TANC1: variants seen among roughly 807,000 people sequenced by gnomAD.
TANC1 encodes the protein tetratricopeptide repeat, ankyrin repeat and coiled-coil containing 1.
TANC1 carries 77 observed loss-of-function variants against 149.7 expected under a neutral mutation model. The observed-to-expected ratio is 0.51, with a 90% CI of 0.43 to 0.62. TANC1 has a LOEUF of 0.62. Ranked by LOEUF, TANC1 falls within the 20% of genes least tolerant of loss-of-function variation. The pLI, the probability that TANC1 is intolerant of heterozygous loss-of-function variation, is 0.00. For missense variants in TANC1, 1,985 were observed against 2,321.8 expected, an observed-to-expected ratio of 0.85 and a Z score of 2.98; for synonymous variants, 854 against 925.0, an observed-to-expected ratio of 0.92 and a Z score of 1.39.
At chr2:159,043,336 A>T (rs761866297) in intron 2 of TANC1, among the ~76,000 whole-genome samples, 1 of 151,988 alleles carries the variant, frequency 6.6e-6, no homozygotes, top group African/African-American at 2.4e-5. Context: ...TCCCTGAGTG[A>T]GGGAGACAAC....
At chr2:158,975,322 C>G (rs894446766) in intron 1 of TANC1, among the ~76,000 whole-genome samples, 15 of 152,042 alleles carry the variant, frequency 9.9e-5, no homozygotes, top group Non-Finnish European at 4.4e-5. Context: ...GTGCTTACTA[C>G]TATAATCCTG....
At chr2:159,070,908 TA>T (rs775878869) in intron 3 of TANC1, among the ~76,000 whole-genome samples, 6 of 152,226 alleles carry the variant, frequency 3.9e-5, no homozygotes, top group East Asian at 1.9e-4. Context: ...GCTCAGCTAA[TA>T]TTTTTTTTTC....
At chr2:159,145,314 A>G (rs188130974) in intron 5 of TANC1, among the ~76,000 whole-genome samples, 112 of 152,362 alleles carry the variant, frequency 7.4e-4, no homozygotes, top group African/African-American at 2.5e-3. Context: ...ACCAGAAAAT[A>G]ATCGCAAGGA....
intron 4 of TANC1, among the ~76,000 whole-genome samples, chr2:159,111,852 A>T (rs2047761079): frequency 1.3e-5 from 2 of 152,204 alleles, no homozygotes. Context: ...TTGATGTTTC[A>T]CCAGGACTTT....
At chr2:159,135,639 G>A (rs945057937) in intron 4 of TANC1, among the ~76,000 whole-genome samples, 32 of 152,366 alleles carry the variant, frequency 2.1e-4, no homozygotes, top group Admixed American at 5.2e-4. Context: ...GCTGTGCCCC[G>A]CACAGTTACT....
chr2:159,132,897 A>C (rs938617141), intron 4 of TANC1, among the ~76,000 whole-genome samples: 3 of 152,136 alleles, frequency 2.0e-5, no homozygotes, highest in Non-Finnish European at 2.9e-5. Context: ...GGATCTGAAT[A>C]GAACCGTTCT....
intron 14 of TANC1, among the ~76,000 whole-genome samples, chr2:159,183,887 A>G (rs543651851): frequency 3.9e-5 from 6 of 152,096 alleles, no homozygotes; most frequent in Non-Finnish European, 8.8e-5. Flanking sequence ...TGACTTGCAT[A>G]TCGTTTGCGT....
chr2:159,027,026 T>C (rs889233461), intron 2 of TANC1: 1 of 146,572 alleles, frequency 6.8e-6, no homozygotes, highest in Non-Finnish European at 1.5e-5. Context: ...TTTTCACTCA[T>C]TTTTTTTTTT....
intron 2 of TANC1, among the ~76,000 whole-genome samples, chr2:159,018,793 C>T (rs2038529587): frequency 1.3e-5 from 2 of 152,192 alleles, no homozygotes; most frequent in African/African-American, 4.8e-5. Flanking sequence ...ATCTGTATAG[C>T]TTCTACTATG....
At chr2:159,074,928 A>C (rs1043594387) in intron 3 of TANC1, among the ~76,000 whole-genome samples, 2 of 151,990 alleles carry the variant, frequency 1.3e-5, no homozygotes, top group African/African-American at 4.8e-5. Flanking sequence ...AAGAGCGCTA[A>C]TCTCATCATG....
intron 3 of TANC1, among the ~76,000 whole-genome samples, chr2:159,090,918 A>T (rs548998734): frequency 6.6e-6 from 1 of 152,280 alleles, no homozygotes; most frequent in African/African-American, 2.4e-5. Context: ...CTGAGAGAAG[A>T]TTAATGATCA....
chr2:159,129,455 T>G (rs555663521), intron 4 of TANC1, among the ~76,000 whole-genome samples: 10 of 152,196 alleles, frequency 6.6e-5, no homozygotes, highest in Non-Finnish European at 1.5e-4. Flanking sequence ...GTGCTGTACC[T>G]TCTGGGCTGC....
chr2:159,004,231 C>CA (rs2036918859), intron 2 of TANC1: 1 of 1,612,184 alleles, frequency 6.2e-7, no homozygotes, highest in South Asian at 1.1e-5. Flanking sequence ...GACAGTAAAG[C>CA]ACCAAAACCA....
rs199746583 is a variant in TANC1, at chr2:159,136,256, C to T, written c.322C>T (p.Pro108Ser). Residue 108 changes from proline (P) to serine (S), a missense_variant, in exon 5 of 27, where the codon CCA (proline) becomes TCA (serine). By Grantham distance (74) the Pro-to-Ser change is moderately conservative. This residue lies in a region of TANC1 where 557 missense variants were observed against 612.9 expected (regional missense o/e 0.91). Coordinates refer to ENST00000263635, the MANE Select transcript of TANC1 (RefSeq NM_033394.3). ...PRVPGDAVIMPFREVAKPTEP... is the reference protein window; with the variant it reads ...PRVPGDAVIMSFREVAKPTEP... The stretch of plus-strand genomic sequence containing the variant: ...AGTGCCTGGAGATGCAGTTATAATG[C>T]CATTCAGAGAAGTAGCCAAGCCAAC... The T allele has an allele frequency of 1.7e-5, 27 of 1,612,914 alleles. No individual in the cohort carries two copies. Among genetic ancestry groups the T allele is most frequent in the Non-Finnish European group, 2.3e-5 (27 of 1,179,046 alleles).
intron 2 of TANC1, among the ~76,000 whole-genome samples, chr2:159,006,152 C>T (rs926408352): frequency 4.6e-5 from 7 of 151,916 alleles, no homozygotes; most frequent in African/African-American, 1.7e-4. Flanking sequence ...CAAAAATTAG[C>T]CAGGAGTGGT....
intron 7 of TANC1, among the ~76,000 whole-genome samples, chr2:159,157,793 GT>G (rs1356413360): frequency 6.6e-6 from 1 of 152,156 alleles, no homozygotes; most frequent in Non-Finnish European, 1.5e-5. Flanking sequence ...AAATACAGAG[GT>G]TAAAAAATGT....
chr2:159,232,627 C>G lies in TANC1; in HGVS notation c.*1615C>G, dbSNP rs527350708. On this transcript the variant is annotated 3_prime_UTR_variant, in exon 27 of 27. Transcript: ENST00000263635. Reference sequence around the variant, plus strand: ...GTTTTGTTTCTGCACAACTACTGTACTTTTCCATATGGAATAAAGACTATT... The same window carrying G: ...GTTTTGTTTCTGCACAACTACTGTAGTTTTCCATATGGAATAAAGACTATT... 14 of 152,730 alleles carry G rather than the reference C, an allele frequency of 9.2e-5. No homozygotes were observed. Among genetic ancestry groups the G allele is most frequent in the African/African-American group, 3.4e-4 (14 of 41,574 alleles). The allele number at this position is 152,730 out of a possible 1,614,324, so 9.5% of individuals were successfully genotyped here. A position where few individuals can be genotyped will look rare whatever the true frequency, so the allele number is the denominator to read the frequency against.
At chr2:159,123,841 C>T (rs1234382296) in intron 4 of TANC1, among the ~76,000 whole-genome samples, 1 of 152,150 alleles carries the variant, frequency 6.6e-6, no homozygotes, top group African/African-American at 2.4e-5. Context: ...GAGTAAAACC[C>T]CCTGCCTCCC....
At chr2:158,980,259 T>C (rs955962772) in intron 1 of TANC1, among the ~76,000 whole-genome samples, 1 of 152,188 alleles carries the variant, frequency 6.6e-6, no homozygotes, top group Non-Finnish European at 1.5e-5. Context: ...GTCAGTGTTT[T>C]CCAAACACAT....
Sources: gnomAD v4.1 joint callset for allele counts (sites outside exome capture counted in the v4.1 genomes callset) on GRCh38, gnomAD v4.1.1 for gene constraint, gnomAD v4.1.1 regional missense constraint, MANE v1.5 for transcripts, NCBI Gene and HGNC (gene_info 2026-07-23, HGNC 2026-07-21) for gene names.